GALNT11: variants seen among roughly 807,000 people sequenced by gnomAD.
GALNT11 encodes the protein polypeptide N-acetylgalactosaminyltransferase 11.
In GALNT11, 47 loss-of-function variants were observed where a neutral mutation model predicts 72.7. The ratio of observed to expected loss-of-function variants is 0.65; its 90% confidence interval spans 0.51 to 0.82. The LOEUF is 0.82. GALNT11 is among the 40% of genes least tolerant of loss of function. The pLI, the probability that GALNT11 is intolerant of heterozygous loss-of-function variation, is 0.00. For synonymous variants in GALNT11, 270 were observed against 286.6 expected (o/e 0.94, Z 0.58); for missense variants, 677 against 778.4 (o/e 0.87, Z 1.55).
chr7:152,060,789 C>A (rs1158668117), intron 1 of GALNT11, among the ~76,000 whole-genome samples: 1 of 152,184 alleles, frequency 6.6e-6, no homozygotes, highest in Non-Finnish European at 1.5e-5. Context: ...CATGTCCCTA[C>A]AAAGGACATG....
Position 152,108,227 on chromosome 7 carries a change from A to G in GALNT11, c.902A>G (p.Lys301Arg). ...GGGTTCAACTGGGGACTGCACTTCA[A>G]ATGGGATCTTGTCCCCCTTTCTGAG... ...RGGFNWGLHF[K>R]WDLVPLSELG... Residue 301 changes from lysine (K) to arginine (R), a missense_variant, in exon 6 of 12, where the codon AAA becomes AGA. Coordinates refer to ENST00000430044, the MANE Select transcript of GALNT11 (RefSeq NM_022087.4). 3 of 1,614,124 alleles carry G rather than the reference A, an allele frequency of 1.9e-6. No individual in the cohort carries two copies. Among genetic ancestry groups the G allele is most frequent in the Non-Finnish European group, 2.5e-6 (3 of 1,179,982 alleles).
chr7:152,052,109 C>T (rs576500722), intron 1 of GALNT11, among the ~76,000 whole-genome samples: 19 of 152,196 alleles, frequency 1.2e-4, no homozygotes, highest in South Asian at 8.3e-4. Context: ...CAGAATTGTA[C>T]GGTATTTATC....
chr7:152,092,483 T>C (rs563444300), intron 1 of GALNT11, among the ~76,000 whole-genome samples: 9 of 152,356 alleles, frequency 5.9e-5, no homozygotes, highest in Admixed American at 4.6e-4. Flanking sequence ...GCCTCTGGTA[T>C]TACTGTTGGT....
At chr7:152,087,069 A>G (rs571683075) in intron 1 of GALNT11, among the ~76,000 whole-genome samples, 1 of 152,330 alleles carries the variant, frequency 6.6e-6, no homozygotes, top group Non-Finnish European at 1.5e-5. Flanking sequence ...TTGTTGCTAT[A>G]TTCTACGCAT....
chr7:152,071,646 A>G (rs1421250993), intron 1 of GALNT11, among the ~76,000 whole-genome samples: 13 of 152,226 alleles, frequency 8.5e-5, no homozygotes. Context: ...TCACAAGGGT[A>G]TTGATTGGGG....
chr7:152,058,585 C>T (rs140454469), intron 1 of GALNT11, among the ~76,000 whole-genome samples: 46 of 152,280 alleles, frequency 3.0e-4, no homozygotes, highest in Middle Eastern at 3.4e-3. Context: ...ATCCGCCTGT[C>T]TCGGCCTCCC....
In GALNT11 at chr7:152,094,607, A is replaced by G; in HGVS notation, c.295+85A>G. The G allele has an allele frequency of 5.0e-6, 7 of 1,409,454 alleles. No individual in the cohort carries two copies. Among genetic ancestry groups the G allele is most frequent in the Non-Finnish European group, 5.7e-6 (6 of 1,051,658 alleles). The allele number at this position is 1,409,454 out of a possible 1,614,324, so 87.3% of individuals were successfully genotyped here. A position where few individuals can be genotyped will look rare whatever the true frequency, so the allele number is the denominator to read the frequency against. Reference sequence around the variant, plus strand: ...TAATTAGTTAATTAGGAGATCAGAAATGCTGCATCATTTTTTCCCCACTGA... The same window carrying G: ...TAATTAGTTAATTAGGAGATCAGAAGTGCTGCATCATTTTTTCCCCACTGA... On this transcript the variant is annotated intron_variant, in intron 2 of 11. Transcript: ENST00000430044. The surrounding 1 kb of genome is among the most constrained non-coding windows in gnomAD (Gnocchi z 4.3).
intron 1 of GALNT11, among the ~76,000 whole-genome samples, chr7:152,063,222 A>G (rs1204076732): frequency 1.3e-5 from 2 of 152,058 alleles, no homozygotes; most frequent in Non-Finnish European, 2.9e-5. Flanking sequence ...GAATTTATCC[A>G]TTTCTTCTAG....
At chr7:152,057,537 C>T (rs2083754928) in intron 1 of GALNT11, among the ~76,000 whole-genome samples, 1 of 151,928 alleles carries the variant, frequency 6.6e-6, no homozygotes, top group Non-Finnish European at 1.5e-5. Context: ...AAATTCCTGA[C>T]CTCAAATGAC....
intron 1 of GALNT11, among the ~76,000 whole-genome samples, chr7:152,051,199 GTTTTTTTTT>G (rs35668155): frequency 1.9e-4 from 9 of 46,808 alleles, no homozygotes; most frequent in Non-Finnish European, 4.4e-4. Flanking sequence ...ATATCTGGTT[GTTTTTTTTT>G]TTTTTTTTTT....
chr7:152,083,933 G>A (rs1396393708), intron 1 of GALNT11, among the ~76,000 whole-genome samples: 2 of 152,048 alleles, frequency 1.3e-5, no homozygotes, highest in African/African-American at 4.8e-5. Context: ...TTTGTGTTTA[G>A]TATTTAAGAT....
intron 1 of GALNT11, among the ~76,000 whole-genome samples, chr7:152,084,823 C>A (rs933643888): frequency 1.3e-5 from 2 of 152,158 alleles, no homozygotes; most frequent in Non-Finnish European, 2.9e-5. Context: ...TGGAAATGAT[C>A]TCTGTCCTCA....
intron 8 of GALNT11, 53 bp from the exon 9 acceptor site, chr7:152,117,104 A>G: frequency 6.7e-7 from 1 of 1,491,550 alleles, no homozygotes; most frequent in Non-Finnish European, 9.1e-7. Flanking sequence ...TAGTTGTATC[A>G]TCATTTTTAA....
chr7:152,089,382 CTG>C (rs1337928959), intron 1 of GALNT11, among the ~76,000 whole-genome samples: 3 of 152,188 alleles, frequency 2.0e-5, no homozygotes, highest in African/African-American at 7.2e-5. Context: ...GCAAGGCAAT[CTG>C]TATTTTCTGC....
intron 1 of GALNT11, among the ~76,000 whole-genome samples, chr7:152,035,097 CAAGAATGTCATTTCTG>C (rs1482820080): frequency 6.6e-6 from 1 of 152,118 alleles, no homozygotes; most frequent in Non-Finnish European, 1.5e-5. Flanking sequence ...TATATGAATA[CAAGAATGTCATTTCTG>C]AAGCTCCCCG....
At chr7:152,070,000 T>TC (rs201774319) in intron 1 of GALNT11, among the ~76,000 whole-genome samples, 2,959 of 150,400 alleles carry the variant, frequency 0.02, 133 homozygotes, top group African/African-American at 0.071. Context: ...TCTTTTTCTT[T>TC]TTCTTTTTTT....
chr7:152,035,265 G>C (rs2082510669), intron 1 of GALNT11, among the ~76,000 whole-genome samples: 1 of 152,206 alleles, frequency 6.6e-6, no homozygotes, highest in Admixed American at 6.5e-5. Flanking sequence ...GGTGCCTAAA[G>C]AAGGTTAACA....
intron 1 of GALNT11, among the ~76,000 whole-genome samples, chr7:152,033,852 A>G (rs959694840): frequency 6.6e-6 from 1 of 152,178 alleles, no homozygotes; most frequent in East Asian, 1.9e-4. Flanking sequence ...TTACTTGACT[A>G]AGGTACCAGG....
chr7:152,107,986 C>G, intron 5 of GALNT11, 52 bp from the exon 6 acceptor site: 9 of 1,563,770 alleles, frequency 5.8e-6, no homozygotes, highest in Non-Finnish European at 7.8e-6. Flanking sequence ...GGTGGTTGTA[C>G]CTAAATTGAG....
Sources: allele counts gnomAD v4.1 joint callset (sites outside exome capture counted in the v4.1 genomes callset), GRCh38; gene constraint gnomAD v4.1.1; non-coding constraint Gnocchi (gnomAD v3.1); transcripts MANE v1.5; gene names NCBI Gene and HGNC (gene_info 2026-07-23, HGNC 2026-07-21).